Variants in CRHR2 observed in about 807,000 individuals in gnomAD.
CRHR2 encodes the protein corticotropin-releasing hormone receptor 2.
Under a neutral mutation model 57.9 loss-of-function variants are expected in CRHR2, and 53 were observed. The ratio of observed to expected loss-of-function variants is 0.92; its 90% CI spans 0.73 to 1.15. CRHR2 has a LOEUF of 1.15. Among genes scored for constraint, CRHR2 ranks in the 50% most tolerant of loss-of-function variants. CRHR2 has a pLI of 0.00. For missense variants in CRHR2, 532 were observed against 542.6 expected (o/e 0.98, Z 0.19); for synonymous variants, 213 against 220.9 (o/e 0.96, Z 0.32).
upstream of CRHR2, chr7:30,682,705 G>C (rs762373536): frequency 5.5e-6 from 1 of 182,918 alleles, no homozygotes; most frequent in Non-Finnish European, 1.1e-5. Flanking sequence ...TGCTCTGTGC[G>C]GGGATCGCAG....
chr7:30,698,965 T>C (rs1357980670), intron 1 of CRHR2, among the ~76,000 whole-genome samples: 2 of 152,208 alleles, frequency 1.3e-5, no homozygotes, highest in Admixed American at 1.3e-4. Flanking sequence ...TAGGCAATTA[T>C]CTGTTGAATT....
chr7:30,666,677 G>C (rs1784194355), intron 3 of CRHR2, among the ~76,000 whole-genome samples: 1 of 152,276 alleles, frequency 6.6e-6, no homozygotes, highest in African/African-American at 2.4e-5. Flanking sequence ...AGGAGGGGAT[G>C]GAGCTGAGAT....
Position 30,670,650 on chromosome 7 carries a change from G to A in CRHR2, c.230-3337C>T, listed in dbSNP as rs546846711. On this transcript the variant is annotated intron_variant, in intron 2 of 11. Transcript: ENST00000471646. Reference sequence around the variant, plus strand: ...TCTGCTGTGGCCAATGAGGGCACTGGGCCCTCAGGCACAGCCTCGGACAGG... The same window carrying A: ...TCTGCTGTGGCCAATGAGGGCACTGAGCCCTCAGGCACAGCCTCGGACAGG... Among the ~76,000 whole-genome samples, 148 of 152,332 alleles carry A rather than the reference G, an allele frequency of 9.7e-4. 1 individual carries two copies. Among genetic ancestry groups the A allele is most frequent in the Non-Finnish European group, 1.8e-3 (120 of 68,026 alleles).
rs1784739886 is a variant in CRHR2, at chr7:30,682,212, G to A, written c.69C>T (p.Leu23=). Reference sequence around the variant, plus strand: ...CCAGGGGTGGCCCCCAGCCGTCCAAGAGCAGCTCTTCAGCCAGCGCCAGGC... The same window carrying A: ...CCAGGGGTGGCCCCCAGCCGTCCAAAAGCAGCTCTTCAGCCAGCGCCAGGC... The part of the protein sequence containing the change: ...NCSLALAEEL[L]LDGWGPPLDP... Residue 23 remains leucine, a synonymous_variant, in exon 1 of 12, where the codon CTC becomes CTT. Coordinates refer to ENST00000471646, the MANE Select transcript of CRHR2 (RefSeq NM_001883.5). 6.9e-6 allele frequency: 11 copies of A among 1,590,088 alleles called. No individual in the cohort carries two copies. Among genetic ancestry groups the A allele is most frequent in the Non-Finnish European group, 7.7e-6 (9 of 1,175,940 alleles).
At chr7:30,659,198 A>T (rs1481164696) in intron 8 of CRHR2, among the ~76,000 whole-genome samples, 1 of 152,212 alleles carries the variant, frequency 6.6e-6, no homozygotes, top group Non-Finnish European at 1.5e-5. Context: ...GAAAGAAGGA[A>T]AGGGCTCGTG....
intron 5 of CRHR2, among the ~76,000 whole-genome samples, chr7:30,664,554 G>A (rs1330367204): frequency 1.3e-5 from 2 of 152,154 alleles, no homozygotes; most frequent in Admixed American, 6.5e-5. Flanking sequence ...TCCACAAGAT[G>A]AGGAGTGGAC....
At chr7:30,680,547 C>T (rs1431103764) in intron 2 of CRHR2, among the ~76,000 whole-genome samples, 2 of 152,200 alleles carry the variant, frequency 1.3e-5, no homozygotes, top group African/African-American at 2.4e-5. Flanking sequence ...ACACAGCTCA[C>T]GGAATCCTAA....
chr7:30,675,637 A>G (rs1399915156), intron 2 of CRHR2, among the ~76,000 whole-genome samples: 1 of 151,850 alleles, frequency 6.6e-6, no homozygotes, highest in Non-Finnish European at 1.5e-5. Context: ...CTGACACATC[A>G]TTAGCTCAAT....
At chr7:30,694,041 A>G (rs1426421166) in intron 1 of CRHR2, among the ~76,000 whole-genome samples, 1 of 152,198 alleles carries the variant, frequency 6.6e-6, no homozygotes, top group African/African-American at 2.4e-5. Context: ...CACAGGGTCC[A>G]CATCTGTGTC....
At chr7:30,699,144 C>T (rs1271579896) in intron 1 of CRHR2, among the ~76,000 whole-genome samples, 2 of 152,168 alleles carry the variant, frequency 1.3e-5, no homozygotes, top group African/African-American at 4.8e-5. Flanking sequence ...CACTCTGAGC[C>T]TCAGTTTCCC....
chr7:30,673,009 T>C lies in CRHR2; in HGVS notation c.230-5696A>G, dbSNP rs542153914. On this transcript the variant is annotated intron_variant, in intron 2 of 11. Transcript: ENST00000471646. Reference sequence around the variant, plus strand: ...CCCTGTGACCCTGTGTTTCAGCAGATGCAGCCAGTTATGCCACCTCTTCAG... The same window carrying C: ...CCCTGTGACCCTGTGTTTCAGCAGACGCAGCCAGTTATGCCACCTCTTCAG... Among the ~76,000 whole-genome samples the C allele has an allele frequency of 5.1e-4, 78 of 152,326 alleles. 2 individuals carry two copies. Among genetic ancestry groups the C allele is most frequent in the African/African-American group, 1.7e-3 (69 of 41,576 alleles).
At chr7:30,686,467 A>ATG (rs745606336), upstream of CRHR2, 23 of 1,526,686 alleles carry the variant, frequency 1.5e-5, no homozygotes, top group East Asian at 9.8e-5. Context: ...ACCCTGGCAT[A>ATG]TGTGTGTGTG....
chr7:30,671,173 A>C (rs902650829), intron 2 of CRHR2, among the ~76,000 whole-genome samples: 1 of 152,144 alleles, frequency 6.6e-6, no homozygotes, highest in African/African-American at 2.4e-5. Context: ...ATATTACAGT[A>C]AATTGATTCT....
chr7:30,674,930 C>T (rs1584115734), intron 2 of CRHR2, among the ~76,000 whole-genome samples: 1 of 152,308 alleles, frequency 6.6e-6, no homozygotes, highest in East Asian at 1.9e-4. Context: ...GAGCCCCAAG[C>T]AGCATCATCT....
intron 2 of CRHR2, among the ~76,000 whole-genome samples, chr7:30,677,568 G>A (rs1784558099): frequency 6.6e-6 from 1 of 152,170 alleles, no homozygotes. Context: ...GAATCCTGGG[G>A]TAAGACCGAG....
At chr7:30,699,975 A>G in exon 1 of CRHR2, 5 of 1,486,932 alleles carry the variant, frequency 3.4e-6, no homozygotes, top group East Asian at 2.8e-5. Context: ...GAGGCAGAGC[A>G]GGCAGAGGAG....
chr7:30,689,121 G>A (rs1784909348), intron 2 of CRHR2: 2 of 1,381,770 alleles, frequency 1.4e-6, no homozygotes, highest in Non-Finnish European at 1.0e-6. Flanking sequence ...CCCCAGGAAA[G>A]CCTCTTCCTC....
intron 2 of CRHR2, among the ~76,000 whole-genome samples, chr7:30,680,156 C>T (rs1265419833): frequency 1.3e-5 from 2 of 152,052 alleles, no homozygotes; most frequent in Admixed American, 1.3e-4. Context: ...CGCCCCCACA[C>T]CCCAATCCCA....
chr7:30,695,771 T>G (rs1785044681), intron 1 of CRHR2, among the ~76,000 whole-genome samples: 1 of 152,302 alleles, frequency 6.6e-6, no homozygotes, highest in East Asian at 1.9e-4. Context: ...AATTAAAATT[T>G]TGTTAAAGGA....
Sources: allele counts gnomAD v4.1 joint callset (sites outside exome capture counted in the v4.1 genomes callset), GRCh38; gene constraint gnomAD v4.1.1; transcripts MANE v1.5; gene names NCBI Gene and HGNC (gene_info 2026-07-23, HGNC 2026-07-21).